Variants in CSPP1 observed in about 807,000 individuals in gnomAD.
The protein encoded by CSPP1 is centrosome and spindle pole-associated protein 1.
A neutral mutation model predicts 164.4 loss-of-function variants in CSPP1; 126 were observed. The observed-to-expected ratio is 0.77, with a 90% CI of 0.66 to 0.89. The LOEUF (loss-of-function observed/expected upper bound fraction) is 0.89, where lower values mean the gene tolerates loss of function less well. CSPP1 is among the 40% of genes least tolerant of loss of function. The probability of loss-of-function intolerance (pLI) is 0.00; values close to 1 mark genes in which losing one functional copy is unlikely to be tolerated. For missense variants in CSPP1, 1,395 were observed against 1,449.8 expected (o/e 0.96, Z 0.61); for synonymous variants, 472 against 476.7 (o/e 0.99, Z 0.13).
intron 28 of CSPP1, among the ~76,000 whole-genome samples, chr8:67,186,753 T>A (rs747209777): frequency 6.6e-5 from 10 of 152,174 alleles, no homozygotes; most frequent in Non-Finnish European, 8.8e-5. Flanking sequence ...ACAGATGACA[T>A]GATTGTCTAT....
chr8:67,093,960 T>G (rs1812147261), intron 6 of CSPP1, among the ~76,000 whole-genome samples: 1 of 151,088 alleles, frequency 6.6e-6, no homozygotes, highest in African/African-American at 2.4e-5. Flanking sequence ...TTTTCAAAAT[T>G]TAAGGATCAA....
At position 67,136,501 on chromosome 8, in the gene CSPP1, G is replaced by A. The variant is rs527713097; in HGVS notation, c.1828-955G>A. On this transcript the variant is annotated intron_variant, in intron 16 of 30. Coordinates refer to ENST00000678616, the MANE Select transcript of CSPP1 (RefSeq NM_001382391.1). ...GGAGAATGGCGTGAACCCGGGAGGC[G>A]GAGCTTGCAGTGAGCTGAGATCACG... Among the ~76,000 whole-genome samples the A allele has an allele frequency of 5.5e-3, 834 of 150,446 alleles. 9 individuals carry two copies. The highest frequency in any genetic ancestry group is 0.019 in the African/African-American group (793 of 40,850).
intron 1 of CSPP1, among the ~76,000 whole-genome samples, chr8:67,065,931 G>A (rs910620834): frequency 6.6e-6 from 1 of 152,172 alleles, no homozygotes; most frequent in Non-Finnish European, 1.5e-5. Context: ...CTCAGATGAA[G>A]CTTTCAGACA....
chr8:67,122,908 G>A (rs1819260049), intron 15 of CSPP1, among the ~76,000 whole-genome samples: 1 of 151,974 alleles, frequency 6.6e-6, no homozygotes, highest in South Asian at 2.1e-4. Flanking sequence ...GTGTGTGTGT[G>A]TGTTCTGATA....
At chr8:67,100,549 T>A (rs1813836129) in intron 7 of CSPP1, among the ~76,000 whole-genome samples, 1 of 151,728 alleles carries the variant, frequency 6.6e-6, no homozygotes, top group African/African-American at 2.4e-5. Flanking sequence ...GTTATGCTTT[T>A]AAGAATTTGT....
intron 3 of CSPP1, among the ~76,000 whole-genome samples, chr8:67,078,594 C>G (rs555048736): frequency 9.6e-4 from 146 of 152,260 alleles, no homozygotes; most frequent in African/African-American, 3.4e-3. Flanking sequence ...CTCGCTAGCT[C>G]AAGCCATCCG....
intron 1 of CSPP1, chr8:67,064,800 C>T: frequency 8.6e-6 from 2 of 233,912 alleles, no homozygotes; most frequent in Non-Finnish European, 1.6e-5. Context: ...GCCGTGAGGC[C>T]GGCATCGGTG....
In CSPP1 at chr8:67,110,168, GTT is replaced by G. The variant is rs113870388; in HGVS notation, c.1094-1793_1094-1792del. Among the ~76,000 whole-genome samples the G allele has an allele frequency of 1.4e-5, 2 of 146,114 alleles. 1 individual carries two copies. The highest frequency in any genetic ancestry group is 4.3e-4 in the South Asian group (2 of 4,644). On this transcript the variant is annotated intron_variant, in intron 9 of 30. Transcript: ENST00000678616. Reference sequence around the variant, plus strand: ...CTTATCTGTCCAGGTGCAGTCTGAGGTTTTTTTTTTTTCCCCAGGTTGTTTTA... The same window carrying G: ...CTTATCTGTCCAGGTGCAGTCTGAGGTTTTTTTTTTCCCCAGGTTGTTTTA...
intron 23 of CSPP1, among the ~76,000 whole-genome samples, chr8:67,164,178 G>C (rs1828888454): frequency 6.6e-6 from 1 of 152,142 alleles, no homozygotes; most frequent in African/African-American, 2.4e-5. Context: ...TATCGCTTCT[G>C]AAATTCCTAT....
chr8:67,127,365 A>G (rs939360007), intron 15 of CSPP1, among the ~76,000 whole-genome samples: 1 of 152,118 alleles, frequency 6.6e-6, no homozygotes, highest in Non-Finnish European at 1.5e-5. Flanking sequence ...TTGTCATTGT[A>G]TCCTCACATG....
chr8:67,123,829 T>G (rs1393035240), intron 15 of CSPP1, among the ~76,000 whole-genome samples: 5 of 151,398 alleles, frequency 3.3e-5, no homozygotes, highest in Non-Finnish European at 7.4e-5. Context: ...CCCAGGCTGG[T>G]CTCAAACTTC....
chr8:67,185,116 AACAAAAAC>A (rs1275177008), intron 28 of CSPP1, among the ~76,000 whole-genome samples: 1 of 149,810 alleles, frequency 6.7e-6, no homozygotes, highest in East Asian at 2.0e-4. Flanking sequence ...AAAAAAAAAA[AACAAAAAC>A]AAACAAACAA....
rs781313362 is a variant in CSPP1 at position 67,118,808 on chromosome 8, G to A, written c.1684G>A (p.Ala562Thr). The change falls in exon 15 of 31, where the codon GCA becomes ACA. Residue 562 changes from alanine (A) to threonine (T), a missense_variant. Coordinates refer to ENST00000678616, the MANE Select transcript of CSPP1 (RefSeq NM_001382391.1). ...TAGTGCTCCTGTCACCCACCAACTAGCACAACCTGTTGTGTAAGTTATTAG... is the reference window on the plus strand; with the variant it reads ...TAGTGCTCCTGTCACCCACCAACTAACACAACCTGTTGTGTAAGTTATTAG... ...YVSAPVTHQLAQPVVNTVGQN... is the reference protein window; with the variant it reads ...YVSAPVTHQLTQPVVNTVGQN... The A allele has an allele frequency of 7.5e-6, 12 of 1,606,502 alleles. No homozygotes were observed. Among genetic ancestry groups the A allele is most frequent in the Middle Eastern group, 1.7e-4 (1 of 6,050 alleles).
At chr8:67,147,248 A>C (rs1254942810) in intron 17 of CSPP1, among the ~76,000 whole-genome samples, 2 of 152,192 alleles carry the variant, frequency 1.3e-5, no homozygotes, top group Non-Finnish European at 2.9e-5. Context: ...AGCACTCACT[A>C]GTTTGGCAAC....
At chr8:67,096,886 T>C (rs1812913299) in intron 7 of CSPP1, among the ~76,000 whole-genome samples, 1 of 152,008 alleles carries the variant, frequency 6.6e-6, no homozygotes, top group South Asian at 2.1e-4. Context: ...TAAAAATAAA[T>C]GAATAAAATA....
chr8:67,175,589 G>T (rs1448465963), intron 26 of CSPP1, 153 bp downstream of exon 26: 2 of 836,344 alleles, frequency 2.4e-6, no homozygotes, highest in Non-Finnish European at 4.0e-6. Flanking sequence ...TACCAGAAAA[G>T]AACAAGTATG....
At chr8:67,121,438 T>C (rs969495458) in intron 15 of CSPP1, among the ~76,000 whole-genome samples, 5 of 152,210 alleles carry the variant, frequency 3.3e-5, no homozygotes, top group African/African-American at 1.2e-4. Context: ...CATGTTTTTT[T>C]CCCCTTTATT....
intron 29 of CSPP1, among the ~76,000 whole-genome samples, chr8:67,191,819 G>T (rs1289592817): frequency 6.6e-6 from 1 of 152,168 alleles, no homozygotes; most frequent in African/African-American, 2.4e-5. Context: ...AGCATTTTGA[G>T]GAAGTACCAG....
At chr8:67,187,288 G>A (rs1834946571) in intron 28 of CSPP1, among the ~76,000 whole-genome samples, 1 of 152,116 alleles carries the variant, frequency 6.6e-6, no homozygotes, top group African/African-American at 2.4e-5. Flanking sequence ...AAGAGTTGGA[G>A]GACTCTCACA....
Sources: allele counts gnomAD v4.1 joint callset (sites outside exome capture counted in the v4.1 genomes callset), GRCh38; gene constraint gnomAD v4.1.1; transcripts MANE v1.5; gene names NCBI Gene and HGNC (gene_info 2026-07-23, HGNC 2026-07-21).